Variants in SUGCT observed in about 807,000 individuals in gnomAD.
SUGCT encodes succinyl-CoA:glutarate-CoA transferase, also known as succinyl-CoA:glutarate CoA-transferase.
Under a neutral mutation model 55.0 loss-of-function variants are expected in SUGCT, and 41 were observed. The observed-to-expected ratio is 0.74, with a 90% confidence interval of 0.58 to 0.97. The LOEUF is 0.97. SUGCT is among the 50% of genes least tolerant of loss of function. The pLI is 0.00. For synonymous variants in SUGCT, 187 were observed against 200.4 expected (o/e 0.93, Z 0.56); for missense variants, 568 against 547.8 (o/e 1.04, Z -0.37).
intron 1 of SUGCT, among the ~76,000 whole-genome samples, chr7:40,146,539 G>T (rs1788255822): frequency 6.6e-6 from 1 of 152,238 alleles, no homozygotes; most frequent in Non-Finnish European, 1.5e-5. Context: ...TTCCTTATGG[G>T]AAACAAAGGG....
At chr7:40,245,597 G>A (rs1467615127) in intron 7 of SUGCT, among the ~76,000 whole-genome samples, 2 of 147,794 alleles carry the variant, frequency 1.4e-5, no homozygotes, top group African/African-American at 5.0e-5. Flanking sequence ...CCACCACCAC[G>A]CCCGGCTAAT....
At chr7:41,016,312 T>A in the SUGCT span, among the ~76,000 whole-genome samples, 3 of 152,182 alleles carry the variant, frequency 2.0e-5, no homozygotes, top group African/African-American at 7.2e-5. Context: ...GACAGATGCA[T>A]GAATAAAACA....
At chr7:40,169,786 A>G (rs183049656) in intron 1 of SUGCT, among the ~76,000 whole-genome samples, 1 of 150,422 alleles carries the variant, frequency 6.6e-6, no homozygotes, top group Admixed American at 6.6e-5. Context: ...GCTCCTCCTG[A>G]TCTCTATTAT....
chr7:40,507,527 C>T (rs1392814930), intron 12 of SUGCT, among the ~76,000 whole-genome samples: 4 of 152,152 alleles, frequency 2.6e-5, no homozygotes, highest in East Asian at 1.9e-4. Flanking sequence ...CACATTCAGC[C>T]GGGGTCTGGT....
chr7:40,135,225 C>G, intron 1 of SUGCT, 105 bp downstream of exon 1: 1 of 1,329,712 alleles, frequency 7.5e-7, no homozygotes, highest in South Asian at 1.7e-5. Flanking sequence ...TCTGCTGACC[C>G]CTTAGCGGTG....
chr7:40,397,440 T>A (rs17171709), intron 9 of SUGCT, among the ~76,000 whole-genome samples: 1 of 152,136 alleles, frequency 6.6e-6, no homozygotes. Context: ...TTGCCTTATG[T>A]TTTAGTTATT....
rs1584440858 is a variant in SUGCT at position 40,787,543 on chromosome 7, A to G, written c.1153+38046A>G. ...CTGAAAGACAGAGAGAAGAAGGCAA[A>G]CCAGCTAGCAATCTTGGGATCTAAG... On this transcript the variant is annotated intron_variant, in intron 13 of 13. Coordinates refer to ENST00000335693, the MANE Select transcript of SUGCT (RefSeq NM_001193313.2). Among the ~76,000 whole-genome samples, 5 of 151,872 alleles carry G rather than the reference A, an allele frequency of 3.3e-5. No homozygotes were observed. In the East Asian group the frequency reaches 9.8e-4, roughly 30 times the overall value.
chr7:40,711,718 T>C (rs568213527), intron 12 of SUGCT, among the ~76,000 whole-genome samples: 4 of 152,340 alleles, frequency 2.6e-5, no homozygotes, highest in African/African-American at 9.6e-5. Flanking sequence ...TCACTAACTG[T>C]TGGAGTCACT....
At chr7:40,322,640 A>T (rs1259426493) in intron 9 of SUGCT, among the ~76,000 whole-genome samples, 1 of 152,148 alleles carries the variant, frequency 6.6e-6, no homozygotes, top group Non-Finnish European at 1.5e-5. Flanking sequence ...GCCGGTCTTG[A>T]GAATAAGACT....
At chr7:40,709,219 G>T (rs559679142) in intron 12 of SUGCT, among the ~76,000 whole-genome samples, 130 of 152,276 alleles carry the variant, frequency 8.5e-4, no homozygotes, top group Non-Finnish European at 1.6e-3. Context: ...ACTCCTATGG[G>T]TATTCCCACA....
intron 11 of SUGCT, among the ~76,000 whole-genome samples, chr7:40,459,583 C>T (rs923627309): frequency 6.6e-6 from 1 of 152,092 alleles, no homozygotes; most frequent in Non-Finnish European, 1.5e-5. Context: ...TACATTGTCT[C>T]GTTTAATCCT....
At chr7:40,163,439 A>G (rs1290046844) in intron 1 of SUGCT, among the ~76,000 whole-genome samples, 1 of 151,986 alleles carries the variant, frequency 6.6e-6, no homozygotes, top group Admixed American at 6.6e-5. Context: ...CCCCATCTCT[A>G]CTACAAATAC....
chr7:40,291,467 G>T (rs911169998), intron 8 of SUGCT, among the ~76,000 whole-genome samples: 6 of 133,460 alleles, frequency 4.5e-5, no homozygotes, highest in South Asian at 2.4e-4. Context: ...AGAACACATG[G>T]ACACAGGAAG....
intron 12 of SUGCT, among the ~76,000 whole-genome samples, chr7:40,690,406 C>G (rs1301639112): frequency 5.9e-5 from 9 of 152,162 alleles, no homozygotes; most frequent in Admixed American, 2.0e-4. Flanking sequence ...TAAGCACTTA[C>G]TTCTTCCCTA....
chr7:40,511,967 A>G (rs2151553721), intron 12 of SUGCT, among the ~76,000 whole-genome samples: 1 of 152,340 alleles, frequency 6.6e-6, no homozygotes, highest in Middle Eastern at 3.4e-3. Context: ...TGTTCAAATC[A>G]AATCTATTCT....
chr7:40,312,307 T>C (rs1251871920), intron 8 of SUGCT, among the ~76,000 whole-genome samples: 1 of 152,010 alleles, frequency 6.6e-6, no homozygotes, highest in African/African-American at 2.4e-5. Flanking sequence ...TCCCAAAGTG[T>C]TGGGATTACA....
chr7:40,245,404 C>CACATATATATATATATATATATATATAT (rs1252155153), intron 7 of SUGCT, among the ~76,000 whole-genome samples: 2 of 53,312 alleles, frequency 3.8e-5, no homozygotes, highest in African/African-American at 1.9e-4. Flanking sequence ...ACGTAGTAGA[C>CACATATATATATATATATATATATATAT]ATATATATAT....
At chr7:40,961,815 G>C in the SUGCT span, among the ~76,000 whole-genome samples, 157 of 152,202 alleles carry the variant, frequency 1.0e-3, 1 homozygote, top group African/African-American at 3.5e-3. Context: ...GCTCTTAAAG[G>C]TGGCGCATCC....
At chr7:40,685,990 T>C (rs1784445016) in intron 12 of SUGCT, among the ~76,000 whole-genome samples, 1 of 152,252 alleles carries the variant, frequency 6.6e-6, no homozygotes, top group Non-Finnish European at 1.5e-5. Context: ...CTATCTCTTT[T>C]AGTTCTGTAA....
Sources: allele counts gnomAD v4.1 joint callset (sites outside exome capture counted in the v4.1 genomes callset), GRCh38; gene constraint gnomAD v4.1.1; transcripts MANE v1.5; gene names NCBI Gene and HGNC (gene_info 2026-07-23, HGNC 2026-07-21).